ARHGEF16: variants seen among roughly 807,000 people sequenced by gnomAD.
ARHGEF16 encodes Rho guanine exchange factor (GEF) 16.
A neutral mutation model predicts 74.1 loss-of-function variants in ARHGEF16; 59 were observed. The ratio of observed to expected loss-of-function variants is 0.80; its 90% CI spans 0.65 to 0.99. ARHGEF16 has a LOEUF of 0.99. Among genes scored for constraint, ARHGEF16 ranks in the 50% least tolerant of loss-of-function variants. ARHGEF16 has a pLI of 0.00. For missense variants in ARHGEF16, 948 were observed against 986.6 expected (o/e 0.96, Z 0.52); for synonymous variants, 415 against 412.6 (o/e 1.01, Z -0.07).
At chr1:3,479,373 GCA>G (rs1639990341) in intron 12 of ARHGEF16, 142 bp from the exon 13 acceptor site, 2 of 894,912 alleles carry the variant, frequency 2.2e-6, no homozygotes, top group Admixed American at 4.2e-5. Flanking sequence ...AGCCTGCCTG[GCA>G]CAGTCTGCCC....
At chr1:3,466,914 G>T (rs1639562641) in intron 3 of ARHGEF16, 1 of 444,834 alleles carries the variant, frequency 2.2e-6, no homozygotes, top group Admixed American at 3.7e-5. Flanking sequence ...CACGTCTCAG[G>T]GTAAGGCTGG....
chr1:3,479,984 C>A, intron 14 of ARHGEF16, 71 bp downstream of exon 14: 1 of 1,490,006 alleles, frequency 6.7e-7, no homozygotes, highest in South Asian at 1.1e-5. Flanking sequence ...TCCAGCCTGG[C>A]CAGGTCCAGA....
chr1:3,472,759 A>T, intron 6 of ARHGEF16: 1 of 299,738 alleles, frequency 3.3e-6, no homozygotes, highest in Non-Finnish European at 6.2e-6. Context: ...AGGAGGTCCA[A>T]ATGGGCCCGC....
intron 6 of ARHGEF16, among the ~76,000 whole-genome samples, chr1:3,471,038 G>A (rs1263663472): frequency 1.3e-5 from 2 of 148,686 alleles, no homozygotes; most frequent in Non-Finnish European, 3.0e-5. Flanking sequence ...GTGTGTGCGT[G>A]GGCAGGGATG....
intron 1 of ARHGEF16, among the ~76,000 whole-genome samples, chr1:3,456,950 C>T (rs1639279052): frequency 6.6e-6 from 1 of 152,230 alleles, no homozygotes; most frequent in Non-Finnish European, 1.5e-5. Flanking sequence ...CTCTGCTTAG[C>T]TGCCTAGGAT....
Position 3,463,370 on chromosome 1 carries a change from G to C in ARHGEF16, c.286G>C (p.Ala96Pro). 1 of 1,550,200 alleles carries C rather than the reference G, an allele frequency of 6.5e-7. No individual in the cohort carries two copies. Among genetic ancestry groups the C allele is most frequent in the Non-Finnish European group, 8.7e-7 (1 of 1,146,902 alleles). ...GCTGATCCCTAAGAGCCTGGCTGTG[G>C]CCAGCAAGGCAAAGACCCCAGCCCG... ...QQLIPKSLAV[A>P]SKAKTPARHQ... The change falls in exon 2 of 15, where the codon GCC (alanine) becomes CCC (proline). Residue 96 changes from alanine to proline, a missense_variant. Ala to Pro is a conservative substitution (Grantham distance 27). Coordinates refer to ENST00000378378, the MANE Select transcript of ARHGEF16 (RefSeq NM_014448.4).
In ARHGEF16 at chr1:3,463,505, C is replaced by A; in HGVS notation, c.421C>A (p.Pro141Thr). Reference sequence around the variant, plus strand: ...GGATGACATGGACGTGGACAAGGACCCCGGGGGCATGCTGAGGCGGAACCT... The same window carrying A: ...GGATGACATGGACGTGGACAAGGACACCGGGGGCATGCTGAGGCGGAACCT... ...SLDDMDVDKD[P>T]GGMLRRNLRN... Residue 141 changes from proline (P) to threonine (T), a missense_variant, in exon 2 of 15, where the codon CCC (proline) becomes ACC (threonine). By Grantham distance (38) the Pro-to-Thr change is conservative. Coordinates refer to ENST00000378378, the MANE Select transcript of ARHGEF16 (RefSeq NM_014448.4). The A allele has an allele frequency of 6.7e-7, 1 of 1,494,852 alleles. No individual in the cohort carries two copies. The allele number at this position is 1,494,852 out of a possible 1,614,324, so 92.6% of individuals were successfully genotyped here.
chr1:3,460,610 T>C (rs1450436980), intron 1 of ARHGEF16, among the ~76,000 whole-genome samples: 1 of 152,148 alleles, frequency 6.6e-6, no homozygotes, highest in African/African-American at 2.4e-5. Flanking sequence ...GTGCTCTGCT[T>C]GGCGTGTAGA....
At chr1:3,469,044 C>T in intron 5 of ARHGEF16, 108 bp downstream of exon 5, 1 of 1,342,562 alleles carries the variant, frequency 7.4e-7, no homozygotes, top group East Asian at 2.5e-5. Context: ...TCTGCGGCCA[C>T]CTCCAGTGCC....
intron 8 of ARHGEF16, 174 bp downstream of exon 8, chr1:3,473,696 C>A: frequency 9.2e-7 from 1 of 1,089,834 alleles, no homozygotes; most frequent in Non-Finnish European, 1.3e-6. Context: ...ACTTTGTGGT[C>A]GCCGCCACCC....
chr1:3,476,092 G>A (rs1448316104), intron 10 of ARHGEF16, 30 bp downstream of exon 10: 26 of 1,544,196 alleles, frequency 1.7e-5, no homozygotes, highest in African/African-American at 2.7e-5. Context: ...AGGGCCACTC[G>A]GACCACTTCC....
chr1:3,467,607 C>T (rs555419683), intron 4 of ARHGEF16, among the ~76,000 whole-genome samples: 4 of 152,214 alleles, frequency 2.6e-5, no homozygotes, highest in Admixed American at 6.5e-5. Flanking sequence ...CAGGGAGCTG[C>T]GGGCGCCAGG....
At chr1:3,459,620 G>T (rs994886946) in intron 1 of ARHGEF16, among the ~76,000 whole-genome samples, 1 of 152,114 alleles carries the variant, frequency 6.6e-6, no homozygotes, top group Non-Finnish European at 1.5e-5. Flanking sequence ...GAGGGAGGAC[G>T]GGGGGTGTCT....
chr1:3,473,113 A>G lies in ARHGEF16; in HGVS notation c.1058A>G (p.Gln353Arg). ...GACCTGGAGCAGCGGCACAAGGCCCAGGTGCTGGTCGAGGACATCAGTGAC... is the reference window on the plus strand; with the variant it reads ...GACCTGGAGCAGCGGCACAAGGCCCGGGTGCTGGTCGAGGACATCAGTGAC... ...FEDLEQRHKA[Q>R]VLVEDISDIL... Residue 353 changes from glutamine to arginine, a missense_variant, in exon 7 of 15, where the codon CAG (glutamine) becomes CGG (arginine). Gln to Arg is a conservative substitution (Grantham distance 43). Coordinates refer to ENST00000378378, the MANE Select transcript of ARHGEF16 (RefSeq NM_014448.4). 6.2e-7 allele frequency: 1 copy of G among 1,613,388 alleles called. No homozygotes were observed. Among genetic ancestry groups the G allele is most frequent in the Non-Finnish European group, 8.5e-7 (1 of 1,179,986 alleles).
intron 10 of ARHGEF16, among the ~76,000 whole-genome samples, chr1:3,477,124 G>C (rs1639900443): frequency 6.6e-6 from 1 of 151,758 alleles, no homozygotes; most frequent in Non-Finnish European, 1.5e-5. Context: ...CCGGGAGCGG[G>C]AGGTGCCGGG....
intron 2 of ARHGEF16, among the ~76,000 whole-genome samples, chr1:3,465,337 G>T (rs754896664): frequency 2.0e-5 from 3 of 152,194 alleles, no homozygotes; most frequent in Non-Finnish European, 4.4e-5. Flanking sequence ...CCATGGCCTC[G>T]GGTCAGGGTA....
Position 3,468,866 on chromosome 1 carries a change from C to G in ARHGEF16, c.805-14C>G. 1 of 1,550,350 alleles carries G rather than the reference C, an allele frequency of 6.5e-7. No individual in the cohort carries two copies. Among genetic ancestry groups the G allele is most frequent in the Non-Finnish European group, 8.7e-7 (1 of 1,146,818 alleles). ...GACGTGTGACCGAGAGCTCCTGGGC[C>G]TGTGTCCCCCCAGGTGGTGGAATTG... is the stretch of plus-strand genomic sequence containing the variant. On this transcript the variant is annotated splice_polypyrimidine_tract_variant and intron_variant, in intron 4 of 14. Coordinates refer to ENST00000378378, the MANE Select transcript of ARHGEF16 (RefSeq NM_014448.4).
intron 5 of ARHGEF16, 58 bp from the exon 6 acceptor site, chr1:3,469,375 A>T: frequency 6.3e-7 from 1 of 1,591,670 alleles, no homozygotes; most frequent in Non-Finnish European, 8.6e-7. Context: ...AGCATTGGTC[A>T]CCGAGGCACG....
intron 6 of ARHGEF16, chr1:3,471,570 G>C (rs1276221926): frequency 9.8e-7 from 1 of 1,024,802 alleles, no homozygotes; most frequent in Non-Finnish European, 1.2e-6. Flanking sequence ...GATAGCGGCT[G>C]CCCCTCCCCC....
Sources: allele counts gnomAD v4.1 joint callset (sites outside exome capture counted in the v4.1 genomes callset), GRCh38; gene constraint gnomAD v4.1.1; transcripts MANE v1.5; gene names NCBI Gene and HGNC (gene_info 2026-07-23, HGNC 2026-07-21).